NAV2: variants seen among roughly 807,000 people sequenced by gnomAD.
NAV2 encodes neuron navigator 2.
NAV2 carries 54 observed loss-of-function variants against 223.2 expected under a neutral mutation model. The ratio of observed to expected loss-of-function variants is 0.24; its 90% CI spans 0.19 to 0.30. The LOEUF (loss-of-function observed/expected upper bound fraction) is 0.30. NAV2 is among the 10% of genes least tolerant of loss of function. The probability of loss-of-function intolerance (pLI) is 1.00; values close to 1 mark genes in which losing one functional copy is unlikely to be tolerated. For missense variants in NAV2, 2,806 were observed against 3,147.5 expected (o/e 0.89, Z 2.60); for synonymous variants, 1,279 against 1,239.3 (o/e 1.03, Z -0.67).
At chr11:19,818,618 T>C (rs2059226153) in intron 1 of NAV2, among the ~76,000 whole-genome samples, 1 of 152,182 alleles carries the variant, frequency 6.6e-6, no homozygotes, top group South Asian at 2.1e-4. Context: ...AGCTCCAAAA[T>C]TTACTGAAAA....
chr11:19,556,971 CTG>C (rs1406688946), intron 1 of NAV2, among the ~76,000 whole-genome samples: 2 of 152,182 alleles, frequency 1.3e-5, no homozygotes, highest in African/African-American at 4.8e-5. Context: ...TTAAAAATCT[CTG>C]TATCAGAGTT....
chr11:19,468,991 G>T (rs1351797479), intron 1 of NAV2, among the ~76,000 whole-genome samples: 2 of 152,164 alleles, frequency 1.3e-5, no homozygotes, highest in African/African-American at 4.8e-5. Flanking sequence ...GGATTATCAT[G>T]AGTTCTTAGG....
intron 1 of NAV2, among the ~76,000 whole-genome samples, chr11:19,617,495 C>A (rs1007945857): frequency 1.3e-5 from 2 of 152,206 alleles, no homozygotes; most frequent in African/African-American, 4.8e-5. Context: ...AGAGGACAGA[C>A]ACAGGCCTGC....
chr11:19,823,756 G>A (rs71488719), intron 1 of NAV2, among the ~76,000 whole-genome samples: 12,748 of 152,126 alleles, frequency 0.084, 717 homozygotes, highest in East Asian at 0.16. Flanking sequence ...CGTCCCTGGG[G>A]CCGGGGCCTG....
At chr11:19,865,964 G>A (rs1364771706) in intron 3 of NAV2, among the ~76,000 whole-genome samples, 2 of 152,210 alleles carry the variant, frequency 1.3e-5, no homozygotes, top group East Asian at 3.9e-4. Flanking sequence ...GTATGACAGG[G>A]AGGAGGACCT....
At chr11:19,647,007 A>C (rs532609671) in intron 1 of NAV2, among the ~76,000 whole-genome samples, 23 of 152,308 alleles carry the variant, frequency 1.5e-4, no homozygotes, top group Admixed American at 1.2e-3. Flanking sequence ...GGAGTATCAG[A>C]AAATGCCAGC....
rs1389498100 is a variant in NAV2, at chr11:19,491,953, CA to C, written c.75+140929del. ...TTGTGTCTCAGGGAATAGGGAGACT[CA>C]AAGAGAGAGAGAGAGAGAGAGAGAG... is the stretch of plus-strand genomic sequence containing the variant. On this transcript the variant is annotated intron_variant, in intron 1 of 37. Transcript: ENST00000360655. Among the ~76,000 whole-genome samples the C allele has an allele frequency of 3.3e-5, 4 of 120,752 alleles. No individual in the cohort carries two copies. In the South Asian group the frequency reaches 1.1e-3, roughly 32 times the overall value. 79.2% of individuals were successfully genotyped at this position (120,752 alleles called of 152,430 possible). A position where few individuals can be genotyped will look rare whatever the true frequency, so the allele number is the denominator to read the frequency against.
chr11:19,380,786 A>T (rs1848811679), intron 1 of NAV2, among the ~76,000 whole-genome samples: 1 of 152,212 alleles, frequency 6.6e-6, no homozygotes, highest in African/African-American at 2.4e-5. Context: ...CAAGCTCTTG[A>T]GCAGAACAAA....
At chr11:20,084,526 G>T (rs867486279) in intron 26 of NAV2, among the ~76,000 whole-genome samples, 20 of 152,306 alleles carry the variant, frequency 1.3e-4, no homozygotes, top group Non-Finnish European at 1.5e-4. Context: ...AGCCACAGGG[G>T]TGTGTACTTC....
At chr11:20,021,198 A>G (rs781687536) in intron 11 of NAV2, among the ~76,000 whole-genome samples, 30 of 152,172 alleles carry the variant, frequency 2.0e-4, no homozygotes, top group Non-Finnish European at 2.4e-4. Flanking sequence ...TTTATTTTAT[A>G]GTTCTACCAC....
At chr11:19,943,329 T>A (rs76760587) in intron 8 of NAV2, among the ~76,000 whole-genome samples, 5,118 of 152,240 alleles carry the variant, frequency 0.034, 108 homozygotes, top group Non-Finnish European at 0.046. Context: ...TTGCTTTTTT[T>A]AAAAAAACAC....
chr11:19,673,552 T>C (rs998839763), intron 1 of NAV2, among the ~76,000 whole-genome samples: 14 of 152,242 alleles, frequency 9.2e-5, no homozygotes, highest in African/African-American at 1.7e-4. Flanking sequence ...CTTGGCACTA[T>C]ACTCTACAAT....
chr11:19,584,530 C>A (rs2045828830), intron 1 of NAV2, among the ~76,000 whole-genome samples: 1 of 152,186 alleles, frequency 6.6e-6, no homozygotes. Flanking sequence ...CTATAAATTT[C>A]CCTCTACATG....
At chr11:19,497,689 A>G (rs1554948971) in intron 1 of NAV2, among the ~76,000 whole-genome samples, 1 of 152,036 alleles carries the variant, frequency 6.6e-6, no homozygotes, top group Non-Finnish European at 1.5e-5. Flanking sequence ...TTGCTAACCT[A>G]CAGGTGAGCC....
intron 1 of NAV2, among the ~76,000 whole-genome samples, chr11:19,420,970 C>T (rs949756438): frequency 2.0e-5 from 3 of 152,170 alleles, no homozygotes; most frequent in African/African-American, 7.2e-5. Context: ...GCTAGGTGGG[C>T]CTGCCCTCCT....
rs541687568 is a variant in NAV2, at chr11:20,025,099, A to G, written c.2769-10860A>G. The stretch of plus-strand genomic sequence containing the variant: ...GGGTTTCAGAATCAGGCAGATCTGT[A>G]TTCAAATCCAGCTCTGTTTGTTAGC... On this transcript the variant is annotated intron_variant, in intron 11 of 37. Coordinates refer to ENST00000349880, the MANE Select transcript of NAV2 (RefSeq NM_145117.5). 2.7e-3 allele frequency among the ~76,000 whole-genome samples: 415 copies of G among 152,300 alleles called. 1 individual carries two copies. Among genetic ancestry groups the G allele is most frequent in the Non-Finnish European group, 4.3e-3 (291 of 68,030 alleles).
chr11:19,932,757 T>C lies in NAV2; in HGVS notation c.932-419T>C, dbSNP rs2045496830. Reference sequence around the variant, plus strand: ...TTTTCTATTTTTGTAATTGTTGTATTTTAATGTCTCTGATACATTGTTTGC... The same window carrying C: ...TTTTCTATTTTTGTAATTGTTGTATCTTAATGTCTCTGATACATTGTTTGC... On this transcript the variant is annotated intron_variant, in intron 6 of 37. Transcript: ENST00000349880. Among the ~76,000 whole-genome samples, 3 of 152,246 alleles carry C rather than the reference T, an allele frequency of 2.0e-5. No individual in the cohort carries two copies. The South Asian group carries it at 6.2e-4, about 31-fold the overall frequency.
At chr11:19,393,657 C>T (rs1024410353) in intron 1 of NAV2, among the ~76,000 whole-genome samples, 1 of 152,108 alleles carries the variant, frequency 6.6e-6, no homozygotes, top group Non-Finnish European at 1.5e-5. Context: ...TTTATTTTTC[C>T]TCCTTGAAAT....
intron 11 of NAV2, among the ~76,000 whole-genome samples, chr11:20,000,608 A>T (rs1304292420): frequency 6.6e-6 from 1 of 152,108 alleles, no homozygotes; most frequent in Non-Finnish European, 1.5e-5. Flanking sequence ...GATCTGGAAT[A>T]AAGGGGTAGT....
Sources: gnomAD v4.1 joint callset for allele counts (sites outside exome capture counted in the v4.1 genomes callset) on GRCh38, gnomAD v4.1.1 for gene constraint, MANE v1.5 for transcripts, NCBI Gene and HGNC (gene_info 2026-07-23, HGNC 2026-07-21) for gene names.